CTTNBP2: variants seen among roughly 807,000 people sequenced by gnomAD.
The protein encoded by CTTNBP2 is cortactin-binding protein 2.
CTTNBP2 carries 108 observed loss-of-function variants against 156.9 expected under a neutral mutation model. That is an observed-to-expected ratio of 0.69 (90% CI 0.59 to 0.81). The LOEUF (loss-of-function observed/expected upper bound fraction) is 0.81, where lower values mean the gene tolerates loss of function less well. Ranked by LOEUF, CTTNBP2 falls within the 30% of genes least tolerant of loss-of-function variation. CTTNBP2 has a pLI of 0.00. For missense variants in CTTNBP2, 1,924 were observed against 2,035.4 expected, an observed-to-expected ratio of 0.95 and a Z score of 1.05; for synonymous variants, 767 against 751.8, an observed-to-expected ratio of 1.02 and a Z score of -0.33.
intron 9 of CTTNBP2, among the ~76,000 whole-genome samples, chr7:117,763,555 CTTTTTTTTTTTTTT>C (rs767309488): frequency 1.9e-5 from 2 of 103,456 alleles, no homozygotes; most frequent in South Asian, 6.5e-4. Context: ...TCTTCTTCTT[CTTTTTTTTTTTTTT>C]TTTTTTTTTG....
rs1796980213 is a variant in CTTNBP2 at position 117,757,952 on chromosome 7, A to G, written c.3191T>C (p.Val1064Ala). ...CGGGGACTGCGCGAAGCTCTGACCC[A>G]CTGACCACGGCACATTTCCTAGTTT... ...SITLGNVPWS[V>A]GQSFAQSPWD... is the part of the protein sequence containing the mutation. The change falls in exon 11 of 23, where the codon GTG becomes GCG. Residue 1064 changes from valine (V) to alanine (A), a missense_variant. Physicochemically the swap from Val to Ala is moderately conservative, Grantham distance 64. Coordinates refer to ENST00000160373, the MANE Select transcript of CTTNBP2 (RefSeq NM_033427.3). The G allele has an allele frequency of 6.2e-7, 1 of 1,613,276 alleles. No individual in the cohort carries two copies. The highest frequency in any genetic ancestry group is 1.3e-5 in the African/African-American group (1 of 75,038).
rs200975491 is a variant in CTTNBP2 at position 117,756,610 on chromosome 7, C to G, written c.3293G>C (p.Ser1098Thr). The change falls in exon 12 of 23, where the codon AGT becomes ACT. Residue 1098 changes from serine (S) to threonine (T), a missense_variant. Physicochemically the swap from Ser to Thr is moderately conservative, Grantham distance 58. Transcript: ENST00000160373. ...LSGPQEGCLS[S>T]VTYASMIPLQ... is the part of the protein sequence containing the mutation. ...AGGGATCATGGAGGCATAAGTCACA[C>G]TACTGAGACAGCCTTCTTGAGGACC... 5.5e-5 allele frequency: 88 copies of G among 1,613,484 alleles called. No homozygotes were observed. Among genetic ancestry groups the G allele is most frequent in the Non-Finnish European group, 7.1e-5 (84 of 1,179,542 alleles).
intron 12 of CTTNBP2, chr7:117,755,264 A>C: frequency 4.6e-6 from 1 of 215,432 alleles, no homozygotes; most frequent in Non-Finnish European, 9.3e-6. Flanking sequence ...ACAAAAGCTA[A>C]TCCTAACTGT....
At chr7:117,764,577 G>A (rs188773226) in intron 9 of CTTNBP2, among the ~76,000 whole-genome samples, 6 of 152,250 alleles carry the variant, frequency 3.9e-5, no homozygotes, top group Admixed American at 1.3e-4. Context: ...CTTTTACACA[G>A]ATGGTTTTAT....
intron 2 of CTTNBP2, among the ~76,000 whole-genome samples, chr7:117,839,346 A>G (rs1011219674): frequency 6.6e-6 from 1 of 152,190 alleles, no homozygotes; most frequent in African/African-American, 2.4e-5. Context: ...AACAGGAAGA[A>G]ATTTCCTAAC....
At chr7:117,817,984 T>G (rs1429873609) in intron 2 of CTTNBP2, among the ~76,000 whole-genome samples, 1 of 152,184 alleles carries the variant, frequency 6.6e-6, no homozygotes, top group Non-Finnish European at 1.5e-5. Flanking sequence ...TAATTATGAC[T>G]AGAGTATTTT....
rs1794055296 is a variant in CTTNBP2 at position 117,711,560 on chromosome 7, G to A, written c.4969C>T (p.His1657Tyr). ...EVNWNLHKNE[H>Y]LEKPNK ...GCCTATTTGTTAGGTTTTTCTAGGT[G>A]TTCATTTTTGTGTAAGTTCCAATTC... Residue 1657 changes from histidine to tyrosine, a missense_variant, in exon 23 of 23, where the codon CAC becomes TAC. Coordinates refer to ENST00000160373, the MANE Select transcript of CTTNBP2 (RefSeq NM_033427.3). 2 of 1,613,338 alleles carry A rather than the reference G, an allele frequency of 1.2e-6. No individual in the cohort carries two copies. Among genetic ancestry groups the A allele is most frequent in the South Asian group, 2.2e-5 (2 of 90,938 alleles).
chr7:117,753,338 G>A (rs1370740155), intron 12 of CTTNBP2, among the ~76,000 whole-genome samples: 1 of 152,208 alleles, frequency 6.6e-6, no homozygotes, highest in African/African-American at 2.4e-5. Context: ...GTGGAAGACA[G>A]TGTGGCGACT....
At chr7:117,773,258 G>C (rs1714502062) in intron 8 of CTTNBP2, among the ~76,000 whole-genome samples, 1 of 152,214 alleles carries the variant, frequency 6.6e-6, no homozygotes, top group Non-Finnish European at 1.5e-5. Context: ...TGGAATCCAA[G>C]TGTTGGGGCG....
chr7:117,817,361 A>AATATATATATATATATATATATATATAT (rs59036381), intron 2 of CTTNBP2, among the ~76,000 whole-genome samples: 1 of 53,282 alleles, frequency 1.9e-5, no homozygotes, highest in Non-Finnish European at 3.4e-5. Context: ...AAAAAAAAAA[A>AATATATATATATATATATATATATATAT]ATATATATAT....
At position 117,792,612 on chromosome 7, in the gene CTTNBP2, A is replaced by T. The variant is rs1219558349; in HGVS notation, c.584T>A (p.Val195Glu). The T allele has an allele frequency of 8.1e-6, 13 of 1,614,020 alleles. No individual in the cohort carries two copies. Among genetic ancestry groups the T allele is most frequent in the Non-Finnish European group, 1.1e-5 (13 of 1,180,028 alleles). Residue 195 changes from valine to glutamate, a missense_variant, in exon 4 of 23, where the codon GTA becomes GAA. Val to Glu is a moderately radical substitution (Grantham distance 121). Transcript: ENST00000160373. This position sits in a 1 kb window ranked among gnomAD's most constrained non-coding sequence, Gnocchi z 4.2. Reference protein sequence around the residue: ...VIEEAQKLEDVMAKLEEEKKK... With the variant: ...VIEEAQKLEDEMAKLEEEKKK... ...CTTTTCCTCTTCCAGTTTGGCCATTACGTCTTCGAGCTTCTGGGCCTCCTC... is the reference window on the plus strand; with the variant it reads ...CTTTTCCTCTTCCAGTTTGGCCATTTCGTCTTCGAGCTTCTGGGCCTCCTC...
Position 117,810,971 on chromosome 7 carries a change from A to G in CTTNBP2, c.208T>C (p.Phe70Leu). The change falls in exon 3 of 23, where the codon TTT (phenylalanine) becomes CTT (leucine). Residue 70 changes from phenylalanine to leucine, a missense_variant. Physicochemically the swap from Phe to Leu is conservative, Grantham distance 22. Transcript: ENST00000160373. Reference protein sequence around the residue: ...EALRARRKEVFIQERYGRFNL... With the variant: ...EALRARRKEVLIQERYGRFNL... ...AATCTCCCATACCGTTCCTGGATAAATACCTCCTTCCTGCGAGCCTGGAAC... is the reference window on the plus strand; with the variant it reads ...AATCTCCCATACCGTTCCTGGATAAGTACCTCCTTCCTGCGAGCCTGGAAC... 1 of 1,613,386 alleles carries G rather than the reference A, an allele frequency of 6.2e-7. No individual in the cohort carries two copies. The highest frequency in any genetic ancestry group is 1.3e-5 in the African/African-American group (1 of 75,026).
In CTTNBP2 at chr7:117,791,160, C is replaced by A. The variant is rs1489525169; in HGVS notation, c.2036G>T (p.Gly679Val). 23 of 1,613,972 alleles carry A rather than the reference C, an allele frequency of 1.4e-5. No individual in the cohort carries two copies. The highest frequency in any genetic ancestry group is 1.7e-5 in the Non-Finnish European group (20 of 1,179,998). ...NPVSASSCRPGASDSLLVTAS... is the reference protein window; with the variant it reads ...NPVSASSCRPVASDSLLVTAS... The stretch of plus-strand genomic sequence containing the variant: ...TGTTACCAGGAGGCTGTCTGAGGCA[C>A]CTGGTCTACAGGATGAGGCACTAAC... The change falls in exon 4 of 23, where the codon GGT becomes GTT. Residue 679 changes from glycine (G) to valine (V), a missense_variant. Physicochemically the swap from Gly to Val is moderately radical, Grantham distance 109. Coordinates refer to ENST00000160373, the MANE Select transcript of CTTNBP2 (RefSeq NM_033427.3).
intron 14 of CTTNBP2, among the ~76,000 whole-genome samples, chr7:117,736,929 T>C (rs1463321608): frequency 6.6e-6 from 1 of 152,232 alleles, no homozygotes; most frequent in Non-Finnish European, 1.5e-5. Flanking sequence ...CAAATATTCA[T>C]GATAGTATAT....
intron 11 of CTTNBP2, among the ~76,000 whole-genome samples, chr7:117,757,440 T>C (rs1228992481): frequency 1.4e-5 from 2 of 142,374 alleles, no homozygotes; most frequent in Admixed American, 7.6e-5. Context: ...TAGTATGCTA[T>C]AAACAACAGG....
chr7:117,844,444 G>A (rs1235280265), intron 2 of CTTNBP2, among the ~76,000 whole-genome samples: 1 of 152,082 alleles, frequency 6.6e-6, no homozygotes, highest in African/African-American at 2.4e-5. Flanking sequence ...GTAGGGTATG[G>A]GAGAAAAGGA....
At chr7:117,749,701 C>G (rs1562971334) in intron 12 of CTTNBP2, among the ~76,000 whole-genome samples, 1 of 151,800 alleles carries the variant, frequency 6.6e-6, no homozygotes, top group Non-Finnish European at 1.5e-5. Flanking sequence ...TGGTATAAAT[C>G]TTTTTTTATT....
At chr7:117,797,504 C>A (rs999603300) in intron 3 of CTTNBP2, among the ~76,000 whole-genome samples, 1 of 151,946 alleles carries the variant, frequency 6.6e-6, no homozygotes, top group Non-Finnish European at 1.5e-5. Flanking sequence ...AGATGATCCA[C>A]GCTGGAATTA....
rs758857882 is a variant in CTTNBP2, at chr7:117,810,814, T to C, written c.365A>G (p.Gln122Arg). ...EAVMAHCKKM[Q>R]ERMSAQLAAA... ...AGCCAGCTGTGCGGACATCCTTTCTTGCATTTTCTTGCAGTGGGCCATGAC... is the reference window on the plus strand; with the variant it reads ...AGCCAGCTGTGCGGACATCCTTTCTCGCATTTTCTTGCAGTGGGCCATGAC... Residue 122 changes from glutamine to arginine, a missense_variant, in exon 3 of 23, where the codon CAA becomes CGA. Physicochemically the swap from Gln to Arg is conservative, Grantham distance 43. Transcript: ENST00000160373. 1.2e-6 allele frequency: 2 copies of C among 1,613,964 alleles called. No homozygotes were observed. The highest frequency in any genetic ancestry group is 1.7e-6 in the Non-Finnish European group (2 of 1,180,004).
Sources: allele counts gnomAD v4.1 joint callset (sites outside exome capture counted in the v4.1 genomes callset), GRCh38; gene constraint gnomAD v4.1.1; non-coding constraint Gnocchi (gnomAD v3.1); transcripts MANE v1.5; gene names NCBI Gene and HGNC (gene_info 2026-07-23, HGNC 2026-07-21).